CYP2C19: variants seen among roughly 807,000 people sequenced by gnomAD.
CYP2C19 encodes the protein cytochrome P450 2C19.
Under a neutral mutation model 40.9 loss-of-function variants are expected in CYP2C19, and 59 were observed. The observed-to-expected ratio is 1.44, with a 90% confidence interval of 1.17 to 1.79. The LOEUF (loss-of-function observed/expected upper bound fraction) is 1.79. CYP2C19 is among the 40% of genes most tolerant of loss of function. CYP2C19 has a pLI of 0.00. For synonymous variants in CYP2C19, 253 were observed against 208.7 expected (o/e 1.21, Z -1.83); for missense variants, 754 against 596.9 (o/e 1.26, Z -2.74).
chr10:94,840,625 G>A (rs1403324596), intron 6 of CYP2C19, among the ~76,000 whole-genome samples: 1 of 152,202 alleles, frequency 6.6e-6, no homozygotes, highest in African/African-American at 2.4e-5. Flanking sequence ...GGAGGTATGG[G>A]TCAGAAGGAA....
intron 5 of CYP2C19, among the ~76,000 whole-genome samples, chr10:94,800,789 G>A (rs541243044): frequency 4.5e-4 from 68 of 152,190 alleles, no homozygotes; most frequent in South Asian, 6.2e-4. Flanking sequence ...TGTGCTAGCA[G>A]TGAACAAGGC....
chr10:94,830,853 C>G (rs1307139333), intron 6 of CYP2C19, among the ~76,000 whole-genome samples: 1 of 151,966 alleles, frequency 6.6e-6, no homozygotes, highest in Non-Finnish European at 1.5e-5. Flanking sequence ...GTGAAATAAG[C>G]ATGTCATGGA....
intron 5 of CYP2C19, among the ~76,000 whole-genome samples, chr10:94,796,036 C>T (rs1848681063): frequency 6.6e-6 from 1 of 152,098 alleles, no homozygotes; most frequent in Non-Finnish European, 1.5e-5. Context: ...GCTTTTGTTG[C>T]CATTGCTTTT....
At chr10:94,810,221 C>T (rs570949297) in intron 5 of CYP2C19, among the ~76,000 whole-genome samples, 39 of 152,156 alleles carry the variant, frequency 2.6e-4, no homozygotes, top group Non-Finnish European at 4.1e-4. Context: ...CCTTGCATCC[C>T]AGGGATGAAG....
chr10:94,843,094 C>A, intron 7 of CYP2C19, 70 bp downstream of exon 7: 3 of 1,572,008 alleles, frequency 1.9e-6, no homozygotes, highest in East Asian at 4.5e-5. Flanking sequence ...TGATTCTTAC[C>A]CTCTACCATC....
Position 94,771,220 on chromosome 10 carries a change from G to A in CYP2C19, c.169-3838G>A, listed in dbSNP as rs11528086. ...TTGAAGGGGGCATAACTGATAGCCC[G>A]GGGTTTTTTGTGGTCCTTTGGAGAT... On this transcript the variant is annotated intron_variant, in intron 1 of 8. Transcript: ENST00000371321. Among the ~76,000 whole-genome samples, 297 of 152,120 alleles carry A rather than the reference G, an allele frequency of 2.0e-3. 15 individuals carry two copies. In the East Asian group the frequency reaches 0.046, roughly 24 times the overall value.
At chr10:94,816,480 A>C (rs1025351052) in intron 5 of CYP2C19, among the ~76,000 whole-genome samples, 1 of 152,012 alleles carries the variant, frequency 6.6e-6, no homozygotes, top group African/African-American at 2.4e-5. Flanking sequence ...GCTATTTATA[A>C]CTCCATGCTG....
intron 7 of CYP2C19, among the ~76,000 whole-genome samples, chr10:94,846,007 T>C (rs1446507207): frequency 6.6e-6 from 1 of 152,122 alleles, no homozygotes; most frequent in Non-Finnish European, 1.5e-5. Flanking sequence ...TTTTCTCCTA[T>C]ATAATAATAA....
At chr10:94,783,669 A>G (rs531569515) in intron 5 of CYP2C19, among the ~76,000 whole-genome samples, 2 of 152,046 alleles carry the variant, frequency 1.3e-5, no homozygotes, top group Non-Finnish European at 2.9e-5. Flanking sequence ...CCTAATGCCT[A>G]TAGTACACCA....
Position 94,799,009 on chromosome 10 carries a change from G to T in CYP2C19, c.819+17012G>T, listed in dbSNP as rs368967747. On this transcript the variant is annotated intron_variant, in intron 5 of 8. Coordinates refer to ENST00000371321, the MANE Select transcript of CYP2C19 (RefSeq NM_000769.4). Reference sequence around the variant, plus strand: ...GGCACTTAGCCCATTTACATTTAAGGTTAATATTGTTATATGAGAATTTGA... The same window carrying T: ...GGCACTTAGCCCATTTACATTTAAGTTTAATATTGTTATATGAGAATTTGA... 5.3e-5 allele frequency among the ~76,000 whole-genome samples: 8 copies of T among 151,902 alleles called. No homozygotes were observed. The East Asian group carries it at 9.7e-4, about 18-fold the overall frequency.
In CYP2C19 at chr10:94,808,219, T is replaced by A. The variant is rs75671679; in HGVS notation, c.820-12277T>A. The stretch of plus-strand genomic sequence containing the variant: ...TGTGTTCTCTGTTCTCTTCCATGGG[T>A]CCATGTGTCTGCTTTTAGGCCAGTA... On this transcript the variant is annotated intron_variant, in intron 5 of 8. Coordinates refer to ENST00000371321, the MANE Select transcript of CYP2C19 (RefSeq NM_000769.4). 4.5e-3 allele frequency among the ~76,000 whole-genome samples: 686 copies of A among 152,230 alleles called. 8 individuals carry two copies. The highest frequency in any genetic ancestry group is 0.015 in the African/African-American group (637 of 41,550).
chr10:94,803,554 G>A (rs1000586591), intron 5 of CYP2C19, among the ~76,000 whole-genome samples: 1 of 152,176 alleles, frequency 6.6e-6, no homozygotes, highest in Admixed American at 6.5e-5. Context: ...ATCAAGATGG[G>A]TGGCACTGGA....
chr10:94,770,410 C>A (rs927230705), intron 1 of CYP2C19, among the ~76,000 whole-genome samples: 2 of 152,112 alleles, frequency 1.3e-5, no homozygotes, highest in African/African-American at 4.8e-5. Flanking sequence ...TATTTTCTGT[C>A]CTCTCTGAAC....
chr10:94,768,990 C>T (rs1848289708), intron 1 of CYP2C19, among the ~76,000 whole-genome samples: 1 of 152,026 alleles, frequency 6.6e-6, no homozygotes, highest in Admixed American at 6.5e-5. Flanking sequence ...TCCGGGGATC[C>T]ATAGTTGGCA....
intron 2 of CYP2C19, 62 bp downstream of exon 2, chr10:94,775,282 T>A: frequency 6.2e-7 from 1 of 1,613,012 alleles, no homozygotes; most frequent in South Asian, 1.1e-5. Context: ...GAAAACAGAC[T>A]AGCAGAGCTT....
At chr10:94,807,601 T>G (rs549403638) in intron 5 of CYP2C19, among the ~76,000 whole-genome samples, 253 of 152,282 alleles carry the variant, frequency 1.7e-3, no homozygotes, top group African/African-American at 5.8e-3. Flanking sequence ...AGTGAGCTGA[T>G]ATCTCATTGT....
intron 7 of CYP2C19, among the ~76,000 whole-genome samples, chr10:94,848,415 C>A (rs1264520112): frequency 6.6e-6 from 1 of 152,190 alleles, no homozygotes; most frequent in Non-Finnish European, 1.5e-5. Flanking sequence ...TCTGTTGGCT[C>A]TGTTCTGTTC....
intron 3 of CYP2C19, among the ~76,000 whole-genome samples, chr10:94,779,101 C>T (rs1848449251): frequency 6.6e-6 from 1 of 151,652 alleles, no homozygotes; most frequent in Non-Finnish European, 1.5e-5. Context: ...CATCACACAC[C>T]AGGGCCTGTT....
rs3758580 is a variant in CYP2C19 at position 94,842,865 on chromosome 10, C to T, written c.990C>T (p.Val330=). 264,022 of 1,613,896 alleles carry T rather than the reference C, an allele frequency of 0.16. 23,889 individuals carry two copies. The highest frequency in any genetic ancestry group is 0.32 in the South Asian group (29,530 of 91,076). ...TAKVQEEIER[V]IGRNRSPCMQ... is the part of the protein sequence containing the mutation. ...AAGTCCAGGAAGAGATTGAACGTGT[C>T]ATTGGCAGAAACCGGAGCCCCTGCA... Residue 330 remains valine, a synonymous_variant, in exon 7 of 9, where the codon GTC becomes GTT. Transcript: ENST00000371321.
Sources: allele counts gnomAD v4.1 joint callset (sites outside exome capture counted in the v4.1 genomes callset), GRCh38; gene constraint gnomAD v4.1.1; transcripts MANE v1.5; gene names NCBI Gene and HGNC (gene_info 2026-07-23, HGNC 2026-07-21).